Variants in CSMD1 observed in about 807,000 individuals in gnomAD.
CSMD1 encodes CUB and sushi domain-containing protein 1.
CSMD1 carries 213 observed loss-of-function variants against 417.5 expected under a neutral mutation model. That is an observed-to-expected ratio of 0.51 (90% CI 0.46 to 0.57). CSMD1 has a LOEUF of 0.57. Ranked by LOEUF, CSMD1 falls within the 20% of genes least tolerant of loss-of-function variation. CSMD1 has a pLI of 0.00. For synonymous variants in CSMD1, 2,862 were observed against 1,736.8 expected (o/e 1.65, Z -16.11); for missense variants, 6,923 against 4,529.7 (o/e 1.53, Z -15.17).
At chr8:3,868,005 T>G (rs539848836) in intron 5 of CSMD1, among the ~76,000 whole-genome samples, 3 of 152,262 alleles carry the variant, frequency 2.0e-5, no homozygotes, top group Admixed American at 6.5e-5. Flanking sequence ...GTCACACACC[T>G]CATCCTTCCT....
At chr8:4,461,658 C>G (rs530382618) in intron 2 of CSMD1, among the ~76,000 whole-genome samples, 2 of 151,896 alleles carry the variant, frequency 1.3e-5, no homozygotes, top group Non-Finnish European at 2.9e-5. Flanking sequence ...TCAAGCAATC[C>G]TCCCACCTCA....
At chr8:3,191,411 A>T (rs1796415779) in intron 33 of CSMD1, among the ~76,000 whole-genome samples, 1 of 152,178 alleles carries the variant, frequency 6.6e-6, no homozygotes, top group Non-Finnish European at 1.5e-5. Context: ...AGCCAAGATC[A>T]CACCACTGCA....
chr8:3,860,282 C>T (rs747499258), intron 5 of CSMD1, among the ~76,000 whole-genome samples: 1 of 151,938 alleles, frequency 6.6e-6, no homozygotes, highest in Non-Finnish European at 1.5e-5. Flanking sequence ...AGAACTCTGC[C>T]CTTGGGAAAC....
chr8:4,772,368 G>A (rs1392937269), intron 1 of CSMD1, among the ~76,000 whole-genome samples: 1 of 152,026 alleles, frequency 6.6e-6, no homozygotes, highest in Non-Finnish European at 1.5e-5. Flanking sequence ...GAAAGTTCTC[G>A]GCCTTTGAGG....
chr8:4,444,346 C>CAAAAAAAAAAAAAAAA lies in CSMD1; in HGVS notation c.303-24297_303-24282dup, dbSNP rs112028005. Among the ~76,000 whole-genome samples, 27 of 46,272 alleles carry CAAAAAAAAAAAAAAAA rather than the reference C, an allele frequency of 5.8e-4. 2 individuals are homozygous for CAAAAAAAAAAAAAAAA. Among genetic ancestry groups the CAAAAAAAAAAAAAAAA allele is most frequent in the African/African-American group, 1.3e-3 (18 of 14,098 alleles). The allele number at this position is 46,272 out of a possible 152,430, so 30.4% of individuals were successfully genotyped here. ...TGGGCTACAGAGTGAGACTCCATCT[C>CAAAAAAAAAAAAAAAA]AAAAAAAAAAAAAAAAAAAAAAAAA... On this transcript the variant is annotated intron_variant, in intron 2 of 69. Transcript: ENST00000635120.
intron 7 of CSMD1, among the ~76,000 whole-genome samples, chr8:3,668,758 C>G (rs773130782): frequency 3.3e-5 from 5 of 152,174 alleles, no homozygotes; most frequent in African/African-American, 4.8e-5. Flanking sequence ...AAGACCCATA[C>G]TGAACATCCT....
intron 5 of CSMD1, among the ~76,000 whole-genome samples, chr8:3,884,406 C>T (rs1806414496): frequency 6.6e-6 from 1 of 151,982 alleles, no homozygotes; most frequent in South Asian, 2.1e-4. Flanking sequence ...TCTTCTAGCA[C>T]AAATCTTGTT....
intron 51 of CSMD1, 59 bp from the exon 52 acceptor site, chr8:3,018,709 CCAAACAAACAAACAAAAA>C (rs1809086898): frequency 1.4e-6 from 2 of 1,455,644 alleles, no homozygotes; most frequent in East Asian, 4.6e-5. Context: ...CTCCTGTGCT[CCAAACAAACAAACAAAAA>C]CAAACAAAAA....
chr8:4,275,336 G>A (rs1192406549), intron 3 of CSMD1, among the ~76,000 whole-genome samples: 4 of 152,138 alleles, frequency 2.6e-5, no homozygotes, highest in African/African-American at 9.6e-5. Flanking sequence ...TCTGTGTTGT[G>A]TATTTGTTGG....
At chr8:4,139,546 C>A (rs893054975) in intron 3 of CSMD1, among the ~76,000 whole-genome samples, 3 of 150,982 alleles carry the variant, frequency 2.0e-5, no homozygotes, top group Non-Finnish European at 2.9e-5. Context: ...TCATCCTGCA[C>A]GACGATCTGC....
intron 2 of CSMD1, among the ~76,000 whole-genome samples, chr8:4,501,386 A>G (rs1211794537): frequency 6.6e-6 from 1 of 152,148 alleles, no homozygotes; most frequent in Non-Finnish European, 1.5e-5. Context: ...TCATTTAAAC[A>G]ACTATTTTAG....
At chr8:3,608,925 G>A (rs1801754596) in intron 8 of CSMD1, among the ~76,000 whole-genome samples, 1 of 152,082 alleles carries the variant, frequency 6.6e-6, no homozygotes, top group South Asian at 2.1e-4. Context: ...TAAGCTGCAG[G>A]GCTTGGAATG....
At chr8:3,438,296 C>T (rs144031788) in intron 12 of CSMD1, among the ~76,000 whole-genome samples, 1 of 152,264 alleles carries the variant, frequency 6.6e-6, no homozygotes, top group East Asian at 1.9e-4. Flanking sequence ...TCCCCAATGG[C>T]AGAATTTTGC....
At chr8:4,391,512 G>A (rs1803848568) in intron 3 of CSMD1, among the ~76,000 whole-genome samples, 3 of 152,054 alleles carry the variant, frequency 2.0e-5, no homozygotes, top group African/African-American at 7.2e-5. Context: ...ACCAGTGCAG[G>A]AGACCAAGCC....
chr8:3,462,650 T>C (rs559175337), intron 12 of CSMD1, among the ~76,000 whole-genome samples: 3 of 152,304 alleles, frequency 2.0e-5, no homozygotes, highest in Non-Finnish European at 2.9e-5. Context: ...GTATAATTAT[T>C]TTATTACACA....
At position 3,422,322 on chromosome 8, in the gene CSMD1, G is replaced by C. The variant is rs1053909762; in HGVS notation, c.1562-12717C>G. 2.6e-5 allele frequency among the ~76,000 whole-genome samples: 4 copies of C among 152,102 alleles called. 1 individual carries two copies. The highest frequency in any genetic ancestry group is 4.1e-4 in the South Asian group (2 of 4,830). On this transcript the variant is annotated intron_variant, in intron 12 of 69. Transcript: ENST00000635120. ...CAGCCAATAATTTGGGGTTTGTTGA[G>C]GGAGTTGGAAAAAATGAGCCAGAAG...
At chr8:4,357,782 G>C (rs1014564305) in intron 3 of CSMD1, among the ~76,000 whole-genome samples, 5 of 151,972 alleles carry the variant, frequency 3.3e-5, no homozygotes, top group African/African-American at 1.2e-4. Context: ...AGAATAAGGA[G>C]GATGGGGAGA....
chr8:4,514,875 A>G (rs1323972876), intron 2 of CSMD1, among the ~76,000 whole-genome samples: 4 of 152,168 alleles, frequency 2.6e-5, no homozygotes, highest in African/African-American at 9.7e-5. Context: ...AAAATAAACA[A>G]CCACACCAAA....
At chr8:4,788,513 C>T (rs1256464076) in intron 1 of CSMD1, 2 of 1,409,818 alleles carry the variant, frequency 1.4e-6, no homozygotes, top group African/African-American at 1.4e-5. Context: ...ATGGAGCAAA[C>T]TGTGAGCAAG....
Sources: gnomAD v4.1 joint callset for allele counts (sites outside exome capture counted in the v4.1 genomes callset) on GRCh38, gnomAD v4.1.1 for gene constraint, MANE v1.5 for transcripts, NCBI Gene and HGNC (gene_info 2026-07-23, HGNC 2026-07-21) for gene names.